Variants in MYO3A observed in about 807,000 individuals in gnomAD.
The protein encoded by MYO3A is myosin-IIIa.
In MYO3A, 180 loss-of-function variants were observed where a neutral mutation model predicts 192.7. The ratio of observed to expected loss-of-function variants is 0.93; its 90% CI spans 0.83 to 1.06. The LOEUF (loss-of-function observed/expected upper bound fraction) is 1.06. Among genes scored for constraint, MYO3A ranks in the 50% least tolerant of loss-of-function variants. The pLI, the probability that MYO3A is intolerant of heterozygous loss-of-function variation, is 0.00. For missense variants in MYO3A, 1,896 were observed against 1,905.0 expected (o/e 1.00, Z 0.09); for synonymous variants, 628 against 645.3 (o/e 0.97, Z 0.41).
intron 4 of MYO3A, 46 bp downstream of exon 4, chr10:25,955,054 GT>G (rs754928185): frequency 3.1e-5 from 50 of 1,600,376 alleles, no homozygotes; most frequent in African/African-American, 4.0e-5. Context: ...TTAGAGTGTG[GT>G]TCTGAAATGA....
chr10:26,024,920 A>G (rs1051190531), intron 9 of MYO3A, among the ~76,000 whole-genome samples: 2 of 152,194 alleles, frequency 1.3e-5, no homozygotes, highest in Admixed American at 6.5e-5. Flanking sequence ...ATCTTTCTCT[A>G]TAACTAGACA....
chr10:25,977,407 G>A (rs1398062313), intron 4 of MYO3A, among the ~76,000 whole-genome samples: 1 of 152,152 alleles, frequency 6.6e-6, no homozygotes, highest in African/African-American at 2.4e-5. Context: ...TTCAAGGGGA[G>A]GGGATTATAA....
intron 4 of MYO3A, among the ~76,000 whole-genome samples, chr10:25,966,308 G>A (rs1838266406): frequency 6.6e-6 from 1 of 152,112 alleles, no homozygotes; most frequent in Admixed American, 6.5e-5. Context: ...TCTATAAATA[G>A]TAATCTGTTA....
intron 15 of MYO3A, among the ~76,000 whole-genome samples, chr10:26,091,023 C>G (rs932139171): frequency 1.3e-5 from 2 of 152,150 alleles, no homozygotes; most frequent in Admixed American, 1.3e-4. Context: ...CCTCTCTCTC[C>G]TTCATTCGCC....
intron 10 of MYO3A, among the ~76,000 whole-genome samples, chr10:26,065,269 T>G (rs1489174252): frequency 6.6e-6 from 1 of 151,974 alleles, no homozygotes; most frequent in Non-Finnish European, 1.5e-5. Flanking sequence ...TTCCACAGAG[T>G]GTCAAGATGA....
rs755932738 is a variant in MYO3A at position 26,067,075 on chromosome 10, G to A, written c.1053+1G>A. The A allele has an allele frequency of 6.3e-7, 1 of 1,584,050 alleles. No homozygotes were observed. The highest frequency in any genetic ancestry group is 8.7e-7 in the Non-Finnish European group (1 of 1,152,788). ...AGCAACCCTAGAAATTTTGGATGAG[G>A]TAAGAATTTCAGTTTAATTAAACTT... is the stretch of plus-strand genomic sequence containing the variant. On this transcript the variant is annotated splice_donor_variant, in intron 11 of 34. Coordinates refer to ENST00000642920, the MANE Select transcript of MYO3A (RefSeq NM_017433.5). LOFTEE classifies it high-confidence loss of function.
intron 10 of MYO3A, among the ~76,000 whole-genome samples, chr10:26,058,120 C>T (rs12263847): frequency 0.47 from 71,773 of 151,884 alleles, 17,772 homozygotes; most frequent in Middle Eastern, 0.59. Flanking sequence ...GACCTAAAAA[C>T]GCTCTGTTCT....
chr10:25,964,776 A>C (rs1256976195), intron 4 of MYO3A, among the ~76,000 whole-genome samples: 1 of 151,966 alleles, frequency 6.6e-6, no homozygotes, highest in Non-Finnish European at 1.5e-5. Context: ...TTCTTGTAGG[A>C]TGGGTTTGGT....
intron 3 of MYO3A, among the ~76,000 whole-genome samples, chr10:25,954,320 A>T (rs1202819471): frequency 6.6e-6 from 1 of 152,140 alleles, no homozygotes; most frequent in African/African-American, 2.4e-5. Context: ...GATTGATAAG[A>T]TAGCAACCTG....
intron 10 of MYO3A, among the ~76,000 whole-genome samples, chr10:26,060,553 C>T (rs2131337537): frequency 1.2e-5 from 1 of 80,762 alleles, no homozygotes; most frequent in Non-Finnish European, 3.2e-5. Flanking sequence ...TCTCACTTTC[C>T]ATAAATTTCC....
intron 4 of MYO3A, among the ~76,000 whole-genome samples, chr10:25,981,837 A>G (rs919977665): frequency 2.6e-5 from 4 of 152,256 alleles, no homozygotes; most frequent in Non-Finnish European, 5.9e-5. Flanking sequence ...GAAGACTCAC[A>G]TCATGAAGTT....
intron 17 of MYO3A, among the ~76,000 whole-genome samples, chr10:26,104,649 G>A (rs1031208854): frequency 9.2e-5 from 14 of 151,432 alleles, no homozygotes; most frequent in Non-Finnish European, 1.6e-4. Context: ...ATTTTTTTTG[G>A]CTTTTCAGGG....
chr10:26,092,168 T>C (rs1836740648), intron 15 of MYO3A, among the ~76,000 whole-genome samples: 1 of 152,190 alleles, frequency 6.6e-6, no homozygotes, highest in Non-Finnish European at 1.5e-5. Flanking sequence ...CTGTAGTGCC[T>C]TAAGAATGCA....
chr10:26,138,178 C>A (rs936773572), intron 20 of MYO3A, among the ~76,000 whole-genome samples: 5 of 152,202 alleles, frequency 3.3e-5, no homozygotes, highest in African/African-American at 1.2e-4. Flanking sequence ...GGCTTTAAGG[C>A]TCAGGTGGGC....
chr10:25,944,347 T>C (rs1450833562), intron 2 of MYO3A, among the ~76,000 whole-genome samples: 2 of 152,008 alleles, frequency 1.3e-5, no homozygotes, highest in Non-Finnish European at 2.9e-5. Context: ...GAGATATTCA[T>C]CTCCAGTTTT....
intron 14 of MYO3A, among the ~76,000 whole-genome samples, chr10:26,072,301 A>C (rs59764643): frequency 1.3e-5 from 2 of 151,668 alleles, no homozygotes; most frequent in African/African-American, 4.9e-5. Flanking sequence ...ATGTGTTACC[A>C]AAACACCAGG....
intron 6 of MYO3A, among the ~76,000 whole-genome samples, chr10:26,004,189 C>T (rs1367438801): frequency 6.6e-6 from 1 of 152,070 alleles, no homozygotes; most frequent in African/African-American, 2.4e-5. Context: ...GAAGCACATC[C>T]ATGTAGGGTG....
At chr10:26,206,982 C>G (rs1843989379) in intron 34 of MYO3A, among the ~76,000 whole-genome samples, 1 of 151,936 alleles carries the variant, frequency 6.6e-6, no homozygotes, top group African/African-American at 2.4e-5. Flanking sequence ...ACGTGTTGAC[C>G]ATTTCTCAGT....
At chr10:25,943,154 G>T (rs964726089) in intron 2 of MYO3A, among the ~76,000 whole-genome samples, 12 of 151,798 alleles carry the variant, frequency 7.9e-5, no homozygotes, top group African/African-American at 2.9e-4. Context: ...TTTGCATGTG[G>T]ATATCCAGTT....
Sources: allele counts gnomAD v4.1 joint callset (sites outside exome capture counted in the v4.1 genomes callset), GRCh38; gene constraint gnomAD v4.1.1; transcripts MANE v1.5; gene names NCBI Gene and HGNC (gene_info 2026-07-23, HGNC 2026-07-21).